NEDD4L: variants seen among roughly 807,000 people sequenced by gnomAD.
NEDD4L encodes E3 ubiquitin-protein ligase NEDD4-like.
Under a neutral mutation model 148.9 loss-of-function variants are expected in NEDD4L, and 54 were observed. The observed-to-expected ratio is 0.36, with a 90% CI of 0.29 to 0.45. The LOEUF (loss-of-function observed/expected upper bound fraction) is 0.45. NEDD4L is among the 20% of genes least tolerant of loss of function. NEDD4L has a pLI of 1.00. For missense variants in NEDD4L, 856 were observed against 1,233.8 expected (o/e 0.69, Z 4.59); for synonymous variants, 433 against 440.7 (o/e 0.98, Z 0.22).
chr18:58,345,995 G>A (rs541500513), intron 16 of NEDD4L, among the ~76,000 whole-genome samples: 39 of 150,852 alleles, frequency 2.6e-4, no homozygotes, highest in African/African-American at 9.0e-4. Context: ...CTGACCTCAA[G>A]TGATCCTGCC....
At chr18:58,057,931 A>T (rs568880615) in intron 1 of NEDD4L, among the ~76,000 whole-genome samples, 11 of 152,260 alleles carry the variant, frequency 7.2e-5, no homozygotes, top group Middle Eastern at 3.4e-3. Flanking sequence ...AGAATGAGCA[A>T]CTTCCCCACA....
At chr18:58,358,874 AT>A (rs879694017) in intron 19 of NEDD4L, among the ~76,000 whole-genome samples, 105 of 150,744 alleles carry the variant, frequency 7.0e-4, no homozygotes, top group Middle Eastern at 6.9e-3. Context: ...GTGCCTATTC[AT>A]TTTTTTTTAT....
intron 6 of NEDD4L, among the ~76,000 whole-genome samples, chr18:58,321,283 A>T (rs1359699639): frequency 6.6e-6 from 1 of 152,206 alleles, no homozygotes; most frequent in East Asian, 1.9e-4. Context: ...ACTCTAAAGG[A>T]TGAGACCTGG....
intron 3 of NEDD4L, chr18:58,247,258 A>G (rs1386740917): frequency 6.6e-6 from 1 of 152,152 alleles, no homozygotes; most frequent in Non-Finnish European, 1.5e-5. Flanking sequence ...TGTGTAAGGA[A>G]CCGTAACTGC....
At chr18:58,106,348 T>C (rs1182922239) in intron 1 of NEDD4L, among the ~76,000 whole-genome samples, 2 of 152,218 alleles carry the variant, frequency 1.3e-5, no homozygotes, top group Non-Finnish European at 1.5e-5. Context: ...TATCTGTAGG[T>C]ATTTAAGATA....
At chr18:58,109,583 T>G (rs1005908768) in intron 1 of NEDD4L, among the ~76,000 whole-genome samples, 2 of 148,628 alleles carry the variant, frequency 1.3e-5, no homozygotes, top group Admixed American at 6.7e-5. Context: ...TTTTTTTTTT[T>G]TTTTTTGAGA....
intron 1 of NEDD4L, among the ~76,000 whole-genome samples, chr18:58,116,599 G>A (rs961063193): frequency 7.2e-5 from 11 of 152,312 alleles, no homozygotes; most frequent in Non-Finnish European, 1.5e-4. Flanking sequence ...GGACTCAAGG[G>A]GGTCCAGTAA....
At chr18:58,100,775 G>A (rs1180898870) in intron 1 of NEDD4L, among the ~76,000 whole-genome samples, 1 of 151,902 alleles carries the variant, frequency 6.6e-6, no homozygotes, top group African/African-American at 2.4e-5. Context: ...CTTTTAGGGG[G>A]CAGAAAAGAA....
intron 1 of NEDD4L, among the ~76,000 whole-genome samples, chr18:58,109,683 G>C (rs984919940): frequency 1.3e-5 from 2 of 148,666 alleles, no homozygotes; most frequent in Non-Finnish European, 3.0e-5. Flanking sequence ...CAACCCTCCT[G>C]CCTCAGCCTC....
At chr18:58,347,036 T>G (rs2043158994) in intron 16 of NEDD4L, among the ~76,000 whole-genome samples, 1 of 152,066 alleles carries the variant, frequency 6.6e-6, no homozygotes, top group South Asian at 2.1e-4. Context: ...TTTGATAAAA[T>G]AATATTATAA....
chr18:58,338,398 A>G (rs1259368146), intron 13 of NEDD4L, among the ~76,000 whole-genome samples: 1 of 150,834 alleles, frequency 6.6e-6, no homozygotes, highest in Non-Finnish European at 1.5e-5. Flanking sequence ...AGTGTGAGTT[A>G]CAAATGGAAT....
At chr18:58,352,996 T>C (rs534028646) in intron 18 of NEDD4L, among the ~76,000 whole-genome samples, 1 of 152,354 alleles carries the variant, frequency 6.6e-6, no homozygotes, top group Admixed American at 6.5e-5. Context: ...CCTAGTATGA[T>C]ACATAGCAGA....
At chr18:58,306,678 T>G (rs1600981969) in intron 5 of NEDD4L, among the ~76,000 whole-genome samples, 1 of 151,750 alleles carries the variant, frequency 6.6e-6, no homozygotes, top group Non-Finnish European at 1.5e-5. Flanking sequence ...CAGGCTGGAG[T>G]GCAATGGTGC....
At chr18:58,307,402 G>A (rs192274834) in intron 5 of NEDD4L, among the ~76,000 whole-genome samples, 13 of 152,042 alleles carry the variant, frequency 8.6e-5, no homozygotes, top group African/African-American at 1.2e-4. Flanking sequence ...CTAATTTTTC[G>A]TAGTCATGTG....
At chr18:58,089,797 T>G (rs1445412637) in intron 1 of NEDD4L, among the ~76,000 whole-genome samples, 1 of 152,026 alleles carries the variant, frequency 6.6e-6, no homozygotes, top group Non-Finnish European at 1.5e-5. Context: ...TCCCTGTGTC[T>G]TCACGGGGTC....
rs183894324 is a variant in NEDD4L at position 58,138,898 on chromosome 18, C to T, written c.49-26890C>T. ...TTTCAACACATGAATTTTAGGGGGA[C>T]GCAAACATTCAGTCCCTGACAGGGT... On this transcript the variant is annotated intron_variant, in intron 1 of 30. Coordinates refer to ENST00000400345, the MANE Select transcript of NEDD4L (RefSeq NM_001144967.3). 4.5e-4 allele frequency among the ~76,000 whole-genome samples: 68 copies of T among 152,318 alleles called. 1 individual carries two copies. The highest frequency in any genetic ancestry group is 2.1e-3 in the South Asian group (10 of 4,830).
chr18:58,370,783 T>C (rs1345131818), intron 23 of NEDD4L, among the ~76,000 whole-genome samples: 2 of 152,218 alleles, frequency 1.3e-5, no homozygotes, highest in African/African-American at 2.4e-5. Context: ...GTGTTTTCTA[T>C]AAAAACTGCT....
chr18:58,350,016 AG>A (rs1310933087), intron 17 of NEDD4L, among the ~76,000 whole-genome samples: 15 of 152,362 alleles, frequency 9.8e-5, no homozygotes, highest in Middle Eastern at 3.4e-3. Flanking sequence ...AATTAATCAT[AG>A]AAAGTTTCTA....
At chr18:58,372,671 A>G (rs2047035389) in intron 23 of NEDD4L, 2 of 152,766 alleles carry the variant, frequency 1.3e-5, no homozygotes, top group African/African-American at 4.8e-5. Flanking sequence ...TAAAAATACA[A>G]AAGTCAGCCA....
Sources: gnomAD v4.1 joint callset for allele counts (sites outside exome capture counted in the v4.1 genomes callset) on GRCh38, gnomAD v4.1.1 for gene constraint, MANE v1.5 for transcripts, NCBI Gene and HGNC (gene_info 2026-07-23, HGNC 2026-07-21) for gene names.